Variants in OTOF observed in about 807,000 individuals in gnomAD.
OTOF encodes otoferlin.
OTOF carries 218 observed loss-of-function variants against 236.8 expected under a neutral mutation model. That is an observed-to-expected ratio of 0.92 (90% CI 0.82 to 1.03). OTOF has a LOEUF of 1.03. Ranked by LOEUF, OTOF falls within the 50% of genes least tolerant of loss-of-function variation. The pLI is 0.00. For missense variants in OTOF, 2,590 were observed against 2,694.4 expected (o/e 0.96, Z 0.86); for synonymous variants, 1,041 against 1,072.5 (o/e 0.97, Z 0.57).
intron 8 of OTOF, 105 bp from the exon 9 acceptor site, chr2:26,495,178 G>A (rs1572450503): frequency 2.4e-5 from 30 of 1,225,688 alleles, no homozygotes; most frequent in East Asian, 2.2e-4. Context: ...GGGAGGGCCC[G>A]GGAGCCAGCA....
intron 2 of OTOF, among the ~76,000 whole-genome samples, chr2:26,535,156 CA>C (rs982803829): frequency 3.9e-5 from 6 of 152,134 alleles, no homozygotes; most frequent in African/African-American, 9.7e-5. Context: ...GAAATGGAGG[CA>C]GGGGGTGTGG....
At chr2:26,539,902 C>A (rs1667169593) in intron 1 of OTOF, among the ~76,000 whole-genome samples, 2 of 152,050 alleles carry the variant, frequency 1.3e-5, no homozygotes, top group Admixed American at 1.3e-4. Context: ...TTTTCAGTGA[C>A]CATGCTTGAT....
At chr2:26,517,540 G>A (rs1358641910) in intron 4 of OTOF, among the ~76,000 whole-genome samples, 1 of 152,184 alleles carries the variant, frequency 6.6e-6, no homozygotes, top group Non-Finnish European at 1.5e-5. Context: ...ACACAGCTAG[G>A]AAGTACTGGA....
At chr2:26,472,858 G>C (rs919166709) in intron 29 of OTOF, among the ~76,000 whole-genome samples, 1 of 152,182 alleles carries the variant, frequency 6.6e-6, no homozygotes, top group Non-Finnish European at 1.5e-5. Flanking sequence ...GTGGGAGGGA[G>C]GTGGCGGGGA....
intron 11 of OTOF, among the ~76,000 whole-genome samples, chr2:26,486,089 G>A (rs77783582): frequency 0.046 from 6,981 of 152,284 alleles, 215 homozygotes; most frequent in Non-Finnish European, 0.067. Flanking sequence ...ACGGACAGAT[G>A]GTGAATGGAT....
intron 5 of OTOF, among the ~76,000 whole-genome samples, chr2:26,513,390 G>A (rs976062565): frequency 1.3e-5 from 2 of 152,116 alleles, no homozygotes; most frequent in African/African-American, 4.8e-5. Flanking sequence ...GGTGAGGAGT[G>A]CCCAGAGGAT....
intron 3 of OTOF, 38 bp downstream of exon 3, chr2:26,527,794 G>T: frequency 2.0e-6 from 3 of 1,477,028 alleles, no homozygotes; most frequent in Non-Finnish European, 2.8e-6. Context: ...CTCCCAGCCC[G>T]TCCAGGCCCA....
Position 26,546,089 on chromosome 2 carries a change from T to C in OTOF, c.80-8315A>G, listed in dbSNP as rs117477194. On this transcript the variant is annotated intron_variant, in intron 1 of 46. Coordinates refer to ENST00000272371, the MANE Select transcript of OTOF (RefSeq NM_194248.3). ...AACATAAACAGCCAATTAACACATA[T>C]TTTGTATATGTATTATGTACTGTAC... Among the ~76,000 whole-genome samples, 320 of 152,276 alleles carry C rather than the reference T, an allele frequency of 2.1e-3. 5 individuals are homozygous for C. The East Asian group carries it at 0.045, about 22-fold the overall frequency.
rs372490573 is a variant in OTOF at position 26,462,219 on chromosome 2, G to T, written c.5193-38C>A. The T allele has an allele frequency of 7.0e-6, 11 of 1,574,948 alleles. No individual in the cohort carries two copies. The African/African-American group carries it at 1.3e-4, about 19-fold the overall frequency. Reference sequence around the variant, plus strand: ...AGAGAAGGCTGGTTAGCAGCCCCAGGTGGGGGTTATGCCAGGGTGCCAGGG... The same window carrying T: ...AGAGAAGGCTGGTTAGCAGCCCCAGTTGGGGGTTATGCCAGGGTGCCAGGG... On this transcript the variant is annotated intron_variant, in intron 41 of 46. Coordinates refer to ENST00000272371, the MANE Select transcript of OTOF (RefSeq NM_194248.3). This position sits in a 1 kb window ranked among gnomAD's most constrained non-coding sequence, Gnocchi z 4.7.
chr2:26,515,860 G>A (rs1406290100), intron 5 of OTOF, among the ~76,000 whole-genome samples: 5 of 152,358 alleles, frequency 3.3e-5, no homozygotes, highest in South Asian at 2.1e-4. Flanking sequence ...CCAGCTTCCT[G>A]TGATCCATAG....
chr2:26,494,024 C>T (rs79541772), intron 9 of OTOF, among the ~76,000 whole-genome samples: 145 of 152,364 alleles, frequency 9.5e-4, no homozygotes, highest in African/African-American at 3.3e-3. Flanking sequence ...TCACATCCCT[C>T]CCCAGAGCTG....
chr2:26,478,560 C>T (rs901584648), intron 18 of OTOF, among the ~76,000 whole-genome samples: 8 of 152,130 alleles, frequency 5.3e-5, no homozygotes, highest in Admixed American at 1.3e-4. Context: ...GCACTCCTCG[C>T]CCAGTCAGTG....
chr2:26,471,961 C>A (rs1305131038), intron 30 of OTOF, among the ~76,000 whole-genome samples: 1 of 152,114 alleles, frequency 6.6e-6, no homozygotes, highest in Non-Finnish European at 1.5e-5. Context: ...TGCACACATG[C>A]ACATATGCAT....
chr2:26,555,515 G>A (rs1667563486), intron 1 of OTOF, among the ~76,000 whole-genome samples: 1 of 152,236 alleles, frequency 6.6e-6, no homozygotes, highest in Admixed American at 6.5e-5. Flanking sequence ...ATACAGAACT[G>A]GCTGGGAGCA....
intron 16 of OTOF, 93 bp from the exon 17 acceptor site, chr2:26,479,746 G>A (rs547797265): frequency 5.6e-6 from 7 of 1,254,980 alleles, no homozygotes; most frequent in African/African-American, 1.5e-5. Flanking sequence ...TTGGGAAAGG[G>A]GAGAGGGAGA....
intron 5 of OTOF, among the ~76,000 whole-genome samples, chr2:26,505,783 A>G (rs1006775103): frequency 6.6e-6 from 1 of 152,198 alleles, no homozygotes; most frequent in Non-Finnish European, 1.5e-5. Context: ...GATTTTAGCT[A>G]AAAGGCCCCA....
chr2:26,520,525 C>T (rs1171644295), intron 3 of OTOF, among the ~76,000 whole-genome samples: 1 of 152,194 alleles, frequency 6.6e-6, no homozygotes, highest in East Asian at 1.9e-4. Context: ...CACCATTGTG[C>T]CCCACCTCCC....
chr2:26,466,066 A>G lies in OTOF; in HGVS notation c.4511T>C (p.Leu1504Pro), dbSNP rs775737412. 2 of 1,614,172 alleles carry G rather than the reference A, an allele frequency of 1.2e-6. No individual in the cohort carries two copies. The highest frequency in any genetic ancestry group is 1.7e-6 in the Non-Finnish European group (2 of 1,180,016). ...TTTGCCGTTGATGTCAGCAGGGTGCAGGTCCGTGGCCTGGAATGGGGAGAA... is the reference window on the plus strand; with the variant it reads ...TTTGCCGTTGATGTCAGCAGGGTGCGGGTCCGTGGCCTGGAATGGGGAGAA... ...VRVYVVRATD[L>P]HPADINGKAD... is the part of the protein sequence containing the mutation. The change falls in exon 37 of 47, where the codon CTG becomes CCG. Residue 1504 changes from leucine (L) to proline (P), a missense_variant. By Grantham distance (98) the Leu-to-Pro change is moderately conservative. Transcript: ENST00000272371.
Position 26,473,867 on chromosome 2 carries a change from G to T in OTOF, c.3408+124C>A. The T allele has an allele frequency of 1.5e-6, 2 of 1,317,412 alleles. No homozygotes were observed. The highest frequency in any genetic ancestry group is 2.2e-6 in the Non-Finnish European group (2 of 915,994). 81.6% of individuals were successfully genotyped at this position (1,317,412 alleles called of 1,614,324 possible). On this transcript the variant is annotated intron_variant, in intron 27 of 46. Coordinates refer to ENST00000272371, the MANE Select transcript of OTOF (RefSeq NM_194248.3). The surrounding 1 kb of genome is among the most constrained non-coding windows in gnomAD (Gnocchi z 7.2). Reference sequence around the variant, plus strand: ...AGATGGGGGCAGGCCCTGGGCTGGGGCAGGAGCCTGGGTCTGCTGCTGGCT... The same window carrying T: ...AGATGGGGGCAGGCCCTGGGCTGGGTCAGGAGCCTGGGTCTGCTGCTGGCT...
Sources: allele counts gnomAD v4.1 joint callset (sites outside exome capture counted in the v4.1 genomes callset), GRCh38; gene constraint gnomAD v4.1.1; non-coding constraint Gnocchi (gnomAD v3.1); transcripts MANE v1.5; gene names NCBI Gene and HGNC (gene_info 2026-07-23, HGNC 2026-07-21).